The following TBC1D12 variants were observed in gnomAD, a reference collection of about 807,000 sequenced individuals.
TBC1D12 encodes the protein TBC1 domain family, member 12.
TBC1D12 carries 56 observed loss-of-function variants against 86.7 expected under a neutral mutation model. The observed-to-expected ratio is 0.65, with a 90% confidence interval of 0.52 to 0.81. The LOEUF is 0.81. TBC1D12 is among the 30% of genes least tolerant of loss of function. The probability of loss-of-function intolerance (pLI) is 0.00; values close to 1 mark genes in which losing one functional copy is unlikely to be tolerated. For missense variants in TBC1D12, 1,023 were observed against 1,038.8 expected, an observed-to-expected ratio of 0.98 and a Z score of 0.21; for synonymous variants, 421 against 411.7, an observed-to-expected ratio of 1.02 and a Z score of -0.27.
At chr10:94,407,054 TAA>T (rs35370498) in intron 1 of TBC1D12, among the ~76,000 whole-genome samples, 29 of 148,984 alleles carry the variant, frequency 1.9e-4, no homozygotes, top group South Asian at 6.4e-4. Context: ...CGAGAAACCT[TAA>T]AAAAAAAACA....
intron 6 of TBC1D12, among the ~76,000 whole-genome samples, chr10:94,502,623 CAGGAGGTGCAATGAGCTGTGATTGTG>C: frequency 6.6e-6 from 1 of 152,134 alleles, no homozygotes; most frequent in South Asian, 2.1e-4. Context: ...CGCTTGAGCT[CAGGAGGTGCAATGAGCTGTGATTGTG>C]CCACTGCACT....
chr10:94,481,717 C>T (rs940842935), intron 3 of TBC1D12, among the ~76,000 whole-genome samples: 2 of 151,740 alleles, frequency 1.3e-5, no homozygotes, highest in African/African-American at 4.8e-5. Flanking sequence ...CTTTTAATTT[C>T]CTTCAAGAAC....
At chr10:94,427,800 C>A in intron 1 of TBC1D12, among the ~76,000 whole-genome samples, 1 of 134,972 alleles carries the variant, frequency 7.4e-6, no homozygotes, top group East Asian at 2.2e-4. Context: ...CCATTGCACT[C>A]CAGCCTGGGT....
At chr10:94,424,615 A>G (rs928078951) in intron 1 of TBC1D12, among the ~76,000 whole-genome samples, 1 of 152,200 alleles carries the variant, frequency 6.6e-6, no homozygotes, top group Non-Finnish European at 1.5e-5. Flanking sequence ...GGAGTGTTTT[A>G]AATTCTTTGA....
intron 2 of TBC1D12, among the ~76,000 whole-genome samples, chr10:94,448,845 A>G (rs991014672): frequency 6.6e-6 from 1 of 152,214 alleles, no homozygotes; most frequent in African/African-American, 2.4e-5. Context: ...CTCATCTGTT[A>G]TCACCTTGAA....
At chr10:94,462,002 T>C (rs2055736952) in intron 2 of TBC1D12, among the ~76,000 whole-genome samples, 1 of 152,190 alleles carries the variant, frequency 6.6e-6, no homozygotes, top group African/African-American at 2.4e-5. Context: ...GGAATGGCAA[T>C]TTCTAAGCTG....
At chr10:94,488,209 A>G (rs901665155) in intron 3 of TBC1D12, among the ~76,000 whole-genome samples, 17 of 150,786 alleles carry the variant, frequency 1.1e-4, no homozygotes, top group African/African-American at 4.1e-4. Flanking sequence ...AACATGGTGA[A>G]ACCCTGTCCC....
intron 1 of TBC1D12, among the ~76,000 whole-genome samples, chr10:94,439,973 A>G (rs2055356369): frequency 6.6e-6 from 1 of 152,222 alleles, no homozygotes; most frequent in South Asian, 2.1e-4. Context: ...TTTTTTTCTT[A>G]GAAGTATTCC....
chr10:94,505,606 GT>G (rs112250935), intron 6 of TBC1D12, among the ~76,000 whole-genome samples: 15 of 148,238 alleles, frequency 1.0e-4, no homozygotes, highest in South Asian at 8.6e-4. Context: ...GGAATTCTAA[GT>G]TTTTTTTTTT....
chr10:94,492,884 A>G (rs554766296), intron 3 of TBC1D12, among the ~76,000 whole-genome samples: 1 of 152,322 alleles, frequency 6.6e-6, no homozygotes, highest in South Asian at 2.1e-4. Flanking sequence ...ATTTTATTAT[A>G]TGAAAATTAT....
At chr10:94,404,903 C>T (rs1019659887) in intron 1 of TBC1D12, among the ~76,000 whole-genome samples, 1 of 151,964 alleles carries the variant, frequency 6.6e-6, no homozygotes, top group Admixed American at 6.6e-5. Flanking sequence ...CAAAAATTAG[C>T]CGGGCATGTT....
chr10:94,470,189 C>T (rs2134138106), intron 2 of TBC1D12, among the ~76,000 whole-genome samples: 1 of 152,162 alleles, frequency 6.6e-6, no homozygotes, highest in East Asian at 1.9e-4. Flanking sequence ...TGCTGTGAAC[C>T]TCTTGGTCAA....
chr10:94,461,892 A>T (rs1371283764), intron 2 of TBC1D12, among the ~76,000 whole-genome samples: 1 of 152,138 alleles, frequency 6.6e-6, no homozygotes, highest in Non-Finnish European at 1.5e-5. Flanking sequence ...ACTTGTTAGG[A>T]TGCAGTGGCA....
chr10:94,433,542 C>T (rs867166137), intron 1 of TBC1D12, among the ~76,000 whole-genome samples: 2 of 152,098 alleles, frequency 1.3e-5, no homozygotes, highest in Admixed American at 6.5e-5. Context: ...TGTGTAGCCT[C>T]TAGTTTTTCA....
chr10:94,521,285 C>G (rs1842148633), intron 9 of TBC1D12, among the ~76,000 whole-genome samples: 1 of 146,478 alleles, frequency 6.8e-6, no homozygotes, highest in Non-Finnish European at 1.5e-5. Flanking sequence ...CAATAACTTA[C>G]AAGCAAGAAG....
chr10:94,433,845 T>G (rs2055254202), intron 1 of TBC1D12, among the ~76,000 whole-genome samples: 1 of 152,194 alleles, frequency 6.6e-6, no homozygotes, highest in Non-Finnish European at 1.5e-5. Context: ...TACATGTAAC[T>G]CTGCATTTCT....
At chr10:94,478,493 G>A (rs1314380131) in intron 3 of TBC1D12, among the ~76,000 whole-genome samples, 2 of 152,144 alleles carry the variant, frequency 1.3e-5, no homozygotes, top group African/African-American at 4.8e-5. Flanking sequence ...GGCAGACCAT[G>A]AGGTCAAAAG....
rs748992225 is a variant in TBC1D12 at position 94,497,124 on chromosome 10, G to C, written c.1364G>C (p.Ser455Thr). Reference protein sequence around the residue: ...ERFKQEENIASAMVIWINEIL... With the variant: ...ERFKQEENIATAMVIWINEIL... ...TTTAAGCAGGAAGAAAATATTGCAA[G>C]TGCAATGGTAATTTGGATCAATGAA... Residue 455 changes from serine to threonine, a missense_variant, in exon 5 of 13, where the codon AGT (serine) becomes ACT (threonine). By Grantham distance (58) the Ser-to-Thr change is moderately conservative. Around this residue, in one of 2 missense-constraint regions of TBC1D12, gnomAD observed 395 missense variants for 507.7 expected, o/e 0.78. Transcript: ENST00000225235. The C allele has an allele frequency of 3.8e-6, 6 of 1,563,198 alleles. No individual in the cohort carries two copies. The highest frequency in any genetic ancestry group is 3.6e-5 in the South Asian group (3 of 82,906).
intron 2 of TBC1D12, among the ~76,000 whole-genome samples, chr10:94,451,254 A>G (rs961992999): frequency 9.9e-5 from 15 of 152,114 alleles, no homozygotes; most frequent in South Asian, 2.1e-4. Flanking sequence ...TCTGATCACA[A>G]TACATTATAT....
Sources: allele counts gnomAD v4.1 joint callset (sites outside exome capture counted in the v4.1 genomes callset), GRCh38; gene constraint gnomAD v4.1.1; regional missense constraint gnomAD v4.1.1; transcripts MANE v1.5; gene names NCBI Gene and HGNC (gene_info 2026-07-23, HGNC 2026-07-21).